The following UBLCP1 variants were observed in gnomAD, a reference collection of about 807,000 sequenced individuals.
UBLCP1 encodes the protein ubiquitin-like domain-containing CTD phosphatase 1.
UBLCP1 carries 28 observed loss-of-function variants against 42.4 expected under a neutral mutation model. The observed-to-expected ratio is 0.66, with a 90% CI of 0.49 to 0.90. UBLCP1 has a LOEUF of 0.90. UBLCP1 is among the 40% of genes least tolerant of loss of function. UBLCP1 has a pLI of 0.00. For missense variants in UBLCP1, 279 were observed against 374.5 expected (o/e 0.75, Z 2.10); for synonymous variants, 122 against 120.8 (o/e 1.01, Z -0.07).
chr5:159,268,022 CAT>C (rs1298618639), intron 1 of UBLCP1, among the ~76,000 whole-genome samples: 3 of 151,356 alleles, frequency 2.0e-5, no homozygotes, highest in Non-Finnish European at 4.4e-5. Flanking sequence ...GGAGAAGAAA[CAT>C]AAGATTTAGT....
intron 1 of UBLCP1, among the ~76,000 whole-genome samples, chr5:159,264,291 C>T (rs1753346985): frequency 6.6e-6 from 1 of 152,196 alleles, no homozygotes; most frequent in South Asian, 2.1e-4. Flanking sequence ...TCACTCCTCC[C>T]CACACCCCAA....
At position 159,285,261 on chromosome 5, in the gene UBLCP1, A is replaced by G. The variant is rs1047381320; in HGVS notation, c.*330A>G. On this transcript the variant is annotated 3_prime_UTR_variant, in exon 11 of 11. Coordinates refer to ENST00000296786, the MANE Select transcript of UBLCP1 (RefSeq NM_145049.5). The stretch of plus-strand genomic sequence containing the variant: ...ACACACACAAAGTGGAGAAAAATGT[A>G]TACTCAACAATGTCATTTTGTGACT... The G allele has an allele frequency of 9.3e-6, 2 of 214,630 alleles. No homozygotes were observed. The highest frequency in any genetic ancestry group is 4.7e-5 in the African/African-American group (2 of 42,500). The allele number at this position is 214,630 out of a possible 1,614,324, so 13.3% of individuals were successfully genotyped here.
chr5:159,268,902 C>T lies in UBLCP1; in HGVS notation c.-14C>T. 6.2e-7 allele frequency: 1 copy of T among 1,601,120 alleles called. No homozygotes were observed. Among genetic ancestry groups the T allele is most frequent in the Non-Finnish European group, 8.5e-7 (1 of 1,176,286 alleles). ...TTTTTCTGAAGGAAAGCTGCTTCCT[C>T]ATATGTTTCAAGAATGGCTCTCCCT... is the stretch of plus-strand genomic sequence containing the variant. On this transcript the variant is annotated 5_prime_UTR_variant, in exon 2 of 11. Transcript: ENST00000296786.
intron 9 of UBLCP1, among the ~76,000 whole-genome samples, chr5:159,279,916 A>T (rs200528815): frequency 1.3e-5 from 1 of 77,472 alleles, no homozygotes; most frequent in Non-Finnish European, 2.4e-5. Context: ...GTTTAACTTT[A>T]AAAAAAAAAA....
intron 10 of UBLCP1, among the ~76,000 whole-genome samples, chr5:159,283,947 T>A (rs941550664): frequency 6.6e-6 from 1 of 152,070 alleles, no homozygotes; most frequent in African/African-American, 2.4e-5. Context: ...CAGAGAAAAG[T>A]CCCCAGAGAA....
chr5:159,266,039 G>A (rs933971618), intron 1 of UBLCP1, among the ~76,000 whole-genome samples: 5 of 152,228 alleles, frequency 3.3e-5, no homozygotes, highest in Non-Finnish European at 7.3e-5. Context: ...GGTACTAGTA[G>A]AGTGGGGCAT....
intron 8 of UBLCP1, among the ~76,000 whole-genome samples, chr5:159,277,029 C>CT (rs1183497666): frequency 6.6e-6 from 1 of 151,964 alleles, no homozygotes; most frequent in African/African-American, 2.4e-5. Context: ...AATGACAGCA[C>CT]TTTTTAAGAG....
chr5:159,278,168 A>G (rs1158539548), intron 8 of UBLCP1, 70 bp from the exon 9 acceptor site: 1 of 1,058,520 alleles, frequency 9.4e-7, no homozygotes, highest in Non-Finnish European at 1.5e-6. Context: ...GGCAGTTTGC[A>G]GTATTCCTGC....
chr5:159,275,004 A>G, intron 7 of UBLCP1, 144 bp from the exon 8 acceptor site: 1 of 691,268 alleles, frequency 1.4e-6, no homozygotes, highest in East Asian at 2.7e-5. Flanking sequence ...AAGTGAAACT[A>G]AAATACTTCC....
chr5:159,269,864 C>T, intron 2 of UBLCP1, 44 bp from the exon 3 acceptor site: 1 of 1,464,788 alleles, frequency 6.8e-7, no homozygotes, highest in Non-Finnish European at 9.5e-7. Context: ...GTGAAACCAG[C>T]ACCTGAACTT....
At chr5:159,282,052 T>A (rs1753616177) in intron 9 of UBLCP1, among the ~76,000 whole-genome samples, 1 of 152,152 alleles carries the variant, frequency 6.6e-6, no homozygotes, top group Non-Finnish European at 1.5e-5. Flanking sequence ...ATAAAATTGC[T>A]TAAACCCCCA....
intron 6 of UBLCP1, 49 bp from the exon 7 acceptor site, chr5:159,274,536 G>T (rs1212098971): frequency 1.3e-6 from 2 of 1,531,738 alleles, no homozygotes; most frequent in Non-Finnish European, 1.8e-6. Flanking sequence ...TTTTTTTAAA[G>T]AAATTCAAGC....
chr5:159,272,886 G>C (rs552334133), intron 6 of UBLCP1, among the ~76,000 whole-genome samples: 2 of 152,258 alleles, frequency 1.3e-5, no homozygotes, highest in East Asian at 3.9e-4. Flanking sequence ...AGATTTTCTT[G>C]GAAAATGAAG....
chr5:159,280,801 G>C (rs1354003918), intron 9 of UBLCP1, among the ~76,000 whole-genome samples: 1 of 152,198 alleles, frequency 6.6e-6, no homozygotes, highest in Non-Finnish European at 1.5e-5. Context: ...CTGTGAATAT[G>C]AATTTAGAAT....
intron 10 of UBLCP1, among the ~76,000 whole-genome samples, chr5:159,283,945 A>T (rs1243714277): frequency 6.6e-6 from 1 of 152,120 alleles, no homozygotes; most frequent in Non-Finnish European, 1.5e-5. Flanking sequence ...GACAGAGAAA[A>T]GTCCCCAGAG....
intron 6 of UBLCP1, among the ~76,000 whole-genome samples, chr5:159,274,035 G>T (rs1215783157): frequency 6.6e-6 from 1 of 152,098 alleles, no homozygotes; most frequent in Non-Finnish European, 1.5e-5. Context: ...CATGATGCAG[G>T]TATACTTCAT....
At chr5:159,273,204 G>T (rs1025479401) in intron 6 of UBLCP1, among the ~76,000 whole-genome samples, 2 of 152,178 alleles carry the variant, frequency 1.3e-5, no homozygotes, top group Non-Finnish European at 2.9e-5. Context: ...GTAAGATAAG[G>T]TGAAGAAAGC....
chr5:159,277,982 T>A (rs1388379539), intron 8 of UBLCP1, among the ~76,000 whole-genome samples: 2 of 152,210 alleles, frequency 1.3e-5, no homozygotes, highest in African/African-American at 4.8e-5. Context: ...TTACCCAAAA[T>A]CTTCACGTTA....
intron 2 of UBLCP1, 28 bp downstream of exon 2, chr5:159,269,097 T>C (rs1273951743): frequency 6.8e-7 from 1 of 1,473,530 alleles, no homozygotes; most frequent in Admixed American, 2.6e-5. Context: ...TCAGATTTTT[T>C]GCATTGAATT....
Sources: gnomAD v4.1 joint callset for allele counts (sites outside exome capture counted in the v4.1 genomes callset) on GRCh38, gnomAD v4.1.1 for gene constraint, MANE v1.5 for transcripts, NCBI Gene and HGNC (gene_info 2026-07-23, HGNC 2026-07-21) for gene names.